Variants in SERAC1 observed in about 807,000 individuals in gnomAD.
The protein encoded by SERAC1 is protein SERAC1.
A neutral mutation model predicts 85.7 loss-of-function variants in SERAC1; 36 were observed. The ratio of observed to expected loss-of-function variants is 0.42; its 90% CI spans 0.32 to 0.55. The LOEUF (loss-of-function observed/expected upper bound fraction) is 0.55, where lower values mean the gene tolerates loss of function less well. Among genes scored for constraint, SERAC1 ranks in the 20% least tolerant of loss-of-function variants. The probability of loss-of-function intolerance (pLI) is 0.11; values close to 1 mark genes in which losing one functional copy is unlikely to be tolerated. For missense variants in SERAC1, 629 were observed against 796.2 expected (o/e 0.79, Z 2.53); for synonymous variants, 242 against 265.3 (o/e 0.91, Z 0.85).
At chr6:158,165,981 A>G (rs1007502721) in intron 1 of SERAC1, 2 of 152,254 alleles carry the variant, frequency 1.3e-5, no homozygotes, top group Non-Finnish European at 2.9e-5. Context: ...TGGTTGCACA[A>G]TGTGAATGTC....
rs1035788834 is a variant in SERAC1, at chr6:158,147,915, A to C, written c.355+950T>G. On this transcript the variant is annotated intron_variant, in intron 5 of 16. Coordinates refer to ENST00000647468, the MANE Select transcript of SERAC1 (RefSeq NM_032861.4). ...AACTATTTGAAAGGATGATGTAGAC[A>C]AAATGACATTTCAGCCTTTCACAGT... Among the ~76,000 whole-genome samples the C allele has an allele frequency of 1.6e-4, 24 of 152,110 alleles. 1 individual carries two copies. Among genetic ancestry groups the C allele is most frequent in the Admixed American group, 2.0e-4 (3 of 15,268 alleles).
Position 158,148,088 on chromosome 6 carries a change from AT to A in SERAC1, c.355+776del, listed in dbSNP as rs558216406. Among the ~76,000 whole-genome samples, 114 of 152,326 alleles carry A rather than the reference AT, an allele frequency of 7.5e-4. No individual in the cohort carries two copies. The South Asian group carries it at 0.014, about 19-fold the overall frequency. ...CAAGCTTCCCCAATTTTTCAAAAAA[AT>A]ATATTTAAAGCTGTTTTTTAAAACC... On this transcript the variant is annotated intron_variant, in intron 5 of 16. Coordinates refer to ENST00000647468, the MANE Select transcript of SERAC1 (RefSeq NM_032861.4).
chr6:158,136,204 C>T (rs984580547), intron 8 of SERAC1, among the ~76,000 whole-genome samples: 2 of 152,150 alleles, frequency 1.3e-5, no homozygotes, highest in Non-Finnish European at 2.9e-5. Flanking sequence ...TAATTAACTT[C>T]AACTTTCATG....
Position 158,110,521 on chromosome 6 carries a change from C to G in SERAC1, c.*845G>C, listed in dbSNP as rs1213684034. On this transcript the variant is annotated 3_prime_UTR_variant, in exon 17 of 17. Coordinates refer to ENST00000647468, the MANE Select transcript of SERAC1 (RefSeq NM_032861.4). ...GACATGATTATCTACTACTCACATG[C>G]TATAGAGGTCAATTAATACCACTTG... 3 of 152,276 alleles carry G rather than the reference C, an allele frequency of 2.0e-5. No individual in the cohort carries two copies. Among genetic ancestry groups the G allele is most frequent in the East Asian group, 3.9e-4 (2 of 5,190 alleles). The allele number at this position is 152,276 out of a possible 1,614,324, so 9.4% of individuals were successfully genotyped here. A position where few individuals can be genotyped will look rare whatever the true frequency, so the allele number is the denominator to read the frequency against.
intron 1 of SERAC1, among the ~76,000 whole-genome samples, chr6:158,164,218 G>A (rs1785547171): frequency 1.3e-5 from 2 of 151,324 alleles, no homozygotes; most frequent in African/African-American, 4.8e-5. Context: ...GCTCACGCCT[G>A]TAATCCCAGC....
chr6:158,165,451 G>A (rs762523593), intron 1 of SERAC1, among the ~76,000 whole-genome samples: 3 of 152,036 alleles, frequency 2.0e-5, no homozygotes, highest in South Asian at 2.1e-4. Flanking sequence ...CACCGTGCCC[G>A]GCCCAGTTCT....
rs1322123634 is a variant in SERAC1, at chr6:158,163,918, G to A, written c.-2+4222C>T. On this transcript the variant is annotated intron_variant, in intron 1 of 16. Transcript: ENST00000647468. ...TACCTGGCTAATTTTTGTATTTTGG[G>A]TAGAGACAGGGTTTCACCATCTTGG... Among the ~76,000 whole-genome samples the A allele has an allele frequency of 3.3e-5, 5 of 151,858 alleles. No homozygotes were observed. The East Asian group carries it at 9.9e-4, about 30-fold the overall frequency.
chr6:158,114,018 A>C (rs1193742818), intron 15 of SERAC1, among the ~76,000 whole-genome samples: 1 of 152,168 alleles, frequency 6.6e-6, no homozygotes, highest in East Asian at 1.9e-4. Context: ...AGATAGGCCT[A>C]TGACCTAAAA....
chr6:158,129,884 C>T (rs145114159), intron 9 of SERAC1, among the ~76,000 whole-genome samples: 24 of 151,954 alleles, frequency 1.6e-4, no homozygotes, highest in African/African-American at 4.8e-4. Context: ...TTAGTAGAGA[C>T]GGAGTTTCAC....
chr6:158,161,796 ACACAGC>A (rs1378168929), intron 1 of SERAC1: 2 of 152,084 alleles, frequency 1.3e-5, no homozygotes, highest in African/African-American at 4.8e-5. Context: ...CAACCACCAC[ACACAGC>A]CAATGCTTCC....
intron 10 of SERAC1, among the ~76,000 whole-genome samples, chr6:158,123,190 T>C (rs1784460208): frequency 6.6e-6 from 1 of 152,190 alleles, no homozygotes; most frequent in African/African-American, 2.4e-5. Context: ...AGTTTAGCTA[T>C]AACAGGGAGG....
Position 158,111,465 on chromosome 6 carries a change from G to GTTAA in SERAC1, c.1862_1865dup (p.His623Ter). 1.2e-6 allele frequency: 2 copies of GTTAA among 1,609,242 alleles called. No homozygotes were observed. The highest frequency in any genetic ancestry group is 4.5e-5 in the East Asian group (2 of 44,812). The stretch of plus-strand genomic sequence containing the variant: ...TCTTTGGCTTACAAATGTTCAAATG[G>GTTAA]TTAACATCCACAGGAATTAGATCTC... On this transcript the variant is annotated stop_gained and frameshift_variant, in exon 17 of 17. Transcript: ENST00000647468. LOFTEE classifies it high-confidence loss of function.
intron 10 of SERAC1, among the ~76,000 whole-genome samples, chr6:158,121,026 TGA>T (rs1784407387): frequency 6.6e-6 from 1 of 152,190 alleles, no homozygotes; most frequent in South Asian, 2.1e-4. Context: ...ACAATGAATT[TGA>T]GACACAAAAC....
In SERAC1 at chr6:158,116,229, C is replaced by T; in HGVS notation, c.1457G>A (p.Gly486Asp). The change falls in exon 14 of 17, where the codon GGT (glycine) becomes GAT (aspartate). Residue 486 changes from glycine to aspartate, a missense_variant. Gly to Asp is a moderately conservative substitution (Grantham distance 94). Coordinates refer to ENST00000647468, the MANE Select transcript of SERAC1 (RefSeq NM_032861.4). Reference sequence around the variant, plus strand: ...CCAAACCACTGGCCTATCCCCAACACCAGCAGCTCTGAGCTTCCTAAGAAG... The same window carrying T: ...CCAAACCACTGGCCTATCCCCAACATCAGCAGCTCTGAGCTTCCTAAGAAG... ...NELLRKLRAA[G>D]VGDRPVVWIS... 1 of 1,614,142 alleles carries T rather than the reference C, an allele frequency of 6.2e-7. No homozygotes were observed. Among genetic ancestry groups the T allele is most frequent in the Non-Finnish European group, 8.5e-7 (1 of 1,179,998 alleles).
intron 10 of SERAC1, among the ~76,000 whole-genome samples, chr6:158,121,304 C>T (rs1784417431): frequency 1.3e-5 from 2 of 151,862 alleles, no homozygotes; most frequent in South Asian, 2.1e-4. Flanking sequence ...TTAGCTTTTT[C>T]GCTATATCTA....
intron 14 of SERAC1, 101 bp from the exon 15 acceptor site, chr6:158,115,072 T>A: frequency 7.9e-7 from 1 of 1,259,486 alleles, no homozygotes; most frequent in Non-Finnish European, 1.1e-6. Context: ...TAAAAAGAGA[T>A]GCTTTCTTTT....
At chr6:158,158,505 T>TAA in intron 1 of SERAC1, 141 bp from the exon 2 acceptor site, 1 of 505,466 alleles carries the variant, frequency 2.0e-6, no homozygotes, top group South Asian at 3.3e-5. Context: ...ACTTTCCAAT[T>TAA]AAAAAAAAAA....
chr6:158,114,615 T>C (rs1389615706), intron 15 of SERAC1, 174 bp downstream of exon 15: 2 of 1,308,636 alleles, frequency 1.5e-6, no homozygotes, highest in Non-Finnish European at 2.0e-6. Context: ...AAGAACAAAA[T>C]GAGAAATTAT....
chr6:158,149,673 G>A (rs1245939716), intron 4 of SERAC1, among the ~76,000 whole-genome samples: 1 of 152,202 alleles, frequency 6.6e-6, no homozygotes, highest in African/African-American at 2.4e-5. Context: ...AATCATCTAT[G>A]TAACTGAAAT....
Sources: allele counts gnomAD v4.1 joint callset (sites outside exome capture counted in the v4.1 genomes callset), GRCh38; gene constraint gnomAD v4.1.1; transcripts MANE v1.5; gene names NCBI Gene and HGNC (gene_info 2026-07-23, HGNC 2026-07-21).